WLS: variants seen among roughly 807,000 people sequenced by gnomAD.
WLS encodes the protein Wnt ligand secretion mediator, also known as protein wntless homolog.
A neutral mutation model predicts 62.8 loss-of-function variants in WLS; 23 were observed. The observed-to-expected ratio is 0.37, with a 90% CI of 0.26 to 0.52. WLS has a LOEUF of 0.52. Ranked by LOEUF, WLS falls within the 20% of genes least tolerant of loss-of-function variation. The pLI is 0.92. For synonymous variants in WLS, 246 were observed against 244.1 expected, an observed-to-expected ratio of 1.01 and a Z score of -0.07; for missense variants, 615 against 697.3, an observed-to-expected ratio of 0.88 and a Z score of 1.33.
At chr1:68,184,206 G>C (rs931413244) in intron 2 of WLS, among the ~76,000 whole-genome samples, 3 of 152,208 alleles carry the variant, frequency 2.0e-5, no homozygotes, top group African/African-American at 7.2e-5. Context: ...AAGCTGGAAA[G>C]AGAGATATGT....
downstream of WLS, among the ~76,000 whole-genome samples, chr1:68,124,323 T>G (rs1242186830): frequency 1.3e-5 from 2 of 152,134 alleles, no homozygotes; most frequent in African/African-American, 4.8e-5. Context: ...TAAAAACCCT[T>G]CTCCATCTGG....
At chr1:68,120,890 C>A (rs565795060), downstream of WLS, among the ~76,000 whole-genome samples, 11 of 152,314 alleles carry the variant, frequency 7.2e-5, no homozygotes, top group Middle Eastern at 3.4e-3. Flanking sequence ...CTTTATATTT[C>A]GAACTGTACT....
At chr1:68,222,428 G>A (rs1448536423) in intron 1 of WLS, among the ~76,000 whole-genome samples, 1 of 152,140 alleles carries the variant, frequency 6.6e-6, no homozygotes, top group East Asian at 1.9e-4. Context: ...AAGGGAAGGG[G>A]GAGATGACAA....
intron 11 of WLS, among the ~76,000 whole-genome samples, chr1:68,111,661 T>C (rs567358178): frequency 7.6e-4 from 116 of 152,298 alleles, no homozygotes; most frequent in Non-Finnish European, 1.3e-3. Flanking sequence ...TTTACATCTC[T>C]CTACACATAC....
chr1:68,102,970 G>A (rs1022278694), intron 11 of WLS, among the ~76,000 whole-genome samples: 15 of 152,092 alleles, frequency 9.9e-5, no homozygotes, highest in African/African-American at 3.6e-4. Context: ...TTCTTCCCCT[G>A]GCAGTGCTCT....
downstream of WLS, among the ~76,000 whole-genome samples, chr1:68,123,913 C>CTAGGATCTAGGA (rs1205346332): frequency 6.6e-6 from 1 of 152,178 alleles, no homozygotes; most frequent in Non-Finnish European, 1.5e-5. Flanking sequence ...CCATGGATCT[C>CTAGGATCTAGGA]TCATATATGC....
chr1:68,203,340 A>G (rs892715594), intron 1 of WLS, among the ~76,000 whole-genome samples: 25 of 152,260 alleles, frequency 1.6e-4, no homozygotes, highest in African/African-American at 6.0e-4. Flanking sequence ...AACGGTTACT[A>G]TTTATTAGCA....
intron 2 of WLS, among the ~76,000 whole-genome samples, chr1:68,179,296 A>T (rs988058630): frequency 2.0e-5 from 3 of 152,222 alleles, no homozygotes; most frequent in African/African-American, 7.2e-5. Context: ...TCAGAGAGTT[A>T]GAGTAGATGG....
chr1:68,155,294 A>G, intron 3 of WLS, 34 bp from the exon 4 acceptor site: 1 of 1,589,496 alleles, frequency 6.3e-7, no homozygotes, highest in Non-Finnish European at 8.6e-7. Context: ...AGGCAGGGTC[A>G]CTATTTCCAA....
At chr1:68,119,187 T>C (rs1646334448) in intron 11 of WLS, among the ~76,000 whole-genome samples, 1 of 152,156 alleles carries the variant, frequency 6.6e-6, no homozygotes, top group African/African-American at 2.4e-5. Flanking sequence ...ATTTCCTAGA[T>C]ATATTTTGAA....
At chr1:68,153,686 A>G in intron 4 of WLS, 33 bp from the exon 5 acceptor site, 2 of 1,613,502 alleles carry the variant, frequency 1.2e-6, no homozygotes, top group Non-Finnish European at 1.7e-6. Flanking sequence ...TTTGAAGGTG[A>G]ATATTATCTT....
At chr1:68,208,924 A>C (rs1336834717) in intron 1 of WLS, among the ~76,000 whole-genome samples, 2 of 152,156 alleles carry the variant, frequency 1.3e-5, no homozygotes, top group African/African-American at 4.8e-5. Context: ...TGGGCTTCTC[A>C]CAATCAGAGA....
intron 11 of WLS, among the ~76,000 whole-genome samples, chr1:68,118,763 C>A (rs1646326579): frequency 1.3e-5 from 2 of 150,662 alleles, no homozygotes; most frequent in African/African-American, 2.4e-5. Flanking sequence ...TAATCCCAGG[C>A]TACTCAGGAG....
At chr1:68,156,404 T>A (rs1646900017) in intron 3 of WLS, among the ~76,000 whole-genome samples, 1 of 152,184 alleles carries the variant, frequency 6.6e-6, no homozygotes, top group Non-Finnish European at 1.5e-5. Flanking sequence ...GTCCATAGTC[T>A]AAGAGTATGT....
intron 2 of WLS, chr1:68,162,992 G>T (rs1447562927): frequency 4.4e-6 from 7 of 1,592,186 alleles, no homozygotes; most frequent in Non-Finnish European, 5.2e-6. Flanking sequence ...CCACCAGGGG[G>T]CAGGAGTGCA....
chr1:68,173,279 G>T (rs1035629989), intron 2 of WLS, among the ~76,000 whole-genome samples: 1 of 152,204 alleles, frequency 6.6e-6, no homozygotes, highest in Admixed American at 6.5e-5. Flanking sequence ...CATCAATGTG[G>T]AAAGAAAACA....
intron 1 of WLS, chr1:68,203,060 A>C (rs1335450799): frequency 1.3e-5 from 2 of 152,262 alleles, no homozygotes; most frequent in South Asian, 2.1e-4. Flanking sequence ...TATTTAAAAT[A>C]ATCAGACATT....
chr1:68,164,311 T>A (rs1647030117), intron 2 of WLS, among the ~76,000 whole-genome samples: 1 of 151,542 alleles, frequency 6.6e-6, no homozygotes, highest in Non-Finnish European at 1.5e-5. Context: ...CAGGCTGGAG[T>A]GCAATGGCAT....
At chr1:68,226,830 T>G (rs74081622) in intron 1 of WLS, among the ~76,000 whole-genome samples, 18,234 of 152,188 alleles carry the variant, frequency 0.12, 1,434 homozygotes, top group East Asian at 0.37. Flanking sequence ...TTCAAAATTC[T>G]AAATCTCCAT....
Sources: allele counts gnomAD v4.1 joint callset (sites outside exome capture counted in the v4.1 genomes callset), GRCh38; gene constraint gnomAD v4.1.1; transcripts MANE v1.5; gene names NCBI Gene and HGNC (gene_info 2026-07-23, HGNC 2026-07-21).